The following RAPGEF6 variants were observed in gnomAD, a reference collection of about 807,000 sequenced individuals.
RAPGEF6 encodes the protein Rap guanine nucleotide exchange factor 6, also known as PDZ domain containing guanine nucleotide exchange factor (GEF) 2.
RAPGEF6 carries 56 observed loss-of-function variants against 171.4 expected under a neutral mutation model. That is an observed-to-expected ratio of 0.33 (90% CI 0.26 to 0.41). The LOEUF is 0.41. Ranked by LOEUF, RAPGEF6 falls within the 10% of genes least tolerant of loss-of-function variation. RAPGEF6 has a pLI of 1.00. For synonymous variants in RAPGEF6, 692 were observed against 650.1 expected, an observed-to-expected ratio of 1.06 and a Z score of -0.98; for missense variants, 1,674 against 1,921.4, an observed-to-expected ratio of 0.87 and a Z score of 2.41.
chr5:131,472,478 T>C (rs1754813740), intron 17 of RAPGEF6, 109 bp downstream of exon 17: 1 of 1,261,598 alleles, frequency 7.9e-7, no homozygotes, highest in East Asian at 2.5e-5. Context: ...AGTCATAATC[T>C]AGAGTTAAGA....
Position 131,521,303 on chromosome 5 carries a change from G to C in RAPGEF6, c.627+87C>G, listed in dbSNP as rs185985425. The C allele has an allele frequency of 3.0e-4, 396 of 1,316,904 alleles. 1 individual carries two copies. The highest frequency in any genetic ancestry group is 2.7e-3 in the South Asian group (157 of 57,600). 81.6% of individuals were successfully genotyped at this position (1,316,904 alleles called of 1,614,324 possible). On this transcript the variant is annotated intron_variant, in intron 7 of 27. Coordinates refer to ENST00000509018, the MANE Select transcript of RAPGEF6 (RefSeq NM_016340.6). Reference sequence around the variant, plus strand: ...TACGCTTGAATTTCATACTCTAAAAGATATGTTAACCATCTAAGGCACAAT... The same window carrying C: ...TACGCTTGAATTTCATACTCTAAAACATATGTTAACCATCTAAGGCACAAT...
chr5:131,621,177 G>T (rs1293644906), intron 1 of RAPGEF6, among the ~76,000 whole-genome samples: 1 of 152,142 alleles, frequency 6.6e-6, no homozygotes, highest in African/African-American at 2.4e-5. Context: ...GTATCCACTG[G>T]GTTCATTCCA....
intron 10 of RAPGEF6, 93 bp from the exon 11 acceptor site, chr5:131,504,871 G>A (rs1393545063): frequency 1.7e-6 from 2 of 1,182,386 alleles, no homozygotes; most frequent in African/African-American, 3.2e-5. Context: ...AAGAAATCTA[G>A]CGGCATTAGT....
intron 6 of RAPGEF6, chr5:131,533,169 TACACACACACACACACACACAC>T (rs3992020): frequency 3.7e-5 from 5 of 136,858 alleles, no homozygotes; most frequent in South Asian, 2.4e-4. Context: ...ATTGAAAACA[TACACACACACACACACACACAC>T]ACACACACAC....
At chr5:131,522,263 G>A (rs1758547951) in intron 6 of RAPGEF6, among the ~76,000 whole-genome samples, 1 of 152,048 alleles carries the variant, frequency 6.6e-6, no homozygotes, top group Non-Finnish European at 1.5e-5. Flanking sequence ...TGCCGTAAAA[G>A]AGACATCTCA....
At chr5:131,438,150 G>C (rs1301173650) in intron 24 of RAPGEF6, among the ~76,000 whole-genome samples, 1 of 149,454 alleles carries the variant, frequency 6.7e-6, no homozygotes, top group East Asian at 2.0e-4. Context: ...CACTACCCCT[G>C]GCTAATTTTT....
intron 1 of RAPGEF6, among the ~76,000 whole-genome samples, chr5:131,619,107 A>G (rs1369586624): frequency 1.3e-5 from 2 of 152,172 alleles, no homozygotes; most frequent in East Asian, 3.8e-4. Context: ...AATGTAACGT[A>G]ACATACCTTG....
At chr5:131,438,179 T>C (rs1189655524) in intron 24 of RAPGEF6, among the ~76,000 whole-genome samples, 1 of 152,132 alleles carries the variant, frequency 6.6e-6, no homozygotes, top group African/African-American at 2.4e-5. Flanking sequence ...TTAATAGAGA[T>C]GGGTTTCACC....
At chr5:131,623,145 G>A (rs1190950658) in intron 1 of RAPGEF6, among the ~76,000 whole-genome samples, 4 of 152,162 alleles carry the variant, frequency 2.6e-5, no homozygotes, top group Non-Finnish European at 5.9e-5. Flanking sequence ...TTGCCCAGAC[G>A]TTTTGAATCA....
intron 19 of RAPGEF6, among the ~76,000 whole-genome samples, chr5:131,456,531 A>G (rs187670646): frequency 6.6e-6 from 1 of 152,308 alleles, no homozygotes; most frequent in Admixed American, 6.5e-5. Context: ...CTAAGCCTCC[A>G]GATATTCAAT....
chr5:131,426,077 G>A lies in RAPGEF6; in HGVS notation c.*1189C>T, dbSNP rs1277016091. The A allele has an allele frequency of 2.0e-5, 3 of 152,138 alleles. No homozygotes were observed. The highest frequency in any genetic ancestry group is 2.9e-5 in the Non-Finnish European group (2 of 67,998). 9.4% of individuals were successfully genotyped at this position (152,138 alleles called of 1,614,324 possible). On this transcript the variant is annotated 3_prime_UTR_variant, in exon 28 of 28. Coordinates refer to ENST00000509018, the MANE Select transcript of RAPGEF6 (RefSeq NM_016340.6). ...TTAAGAGTGCCATACCCATGAGGCT[G>A]GAAAAGTATGTCCTCTCAAGGGCTA...
At chr5:131,523,279 CTTTTTTTTTTTTTT>C (rs1171953953) in intron 6 of RAPGEF6, among the ~76,000 whole-genome samples, 1 of 66,648 alleles carries the variant, frequency 1.5e-5, no homozygotes, top group Non-Finnish European at 2.8e-5. Context: ...CTGTTGTATG[CTTTTTTTTTTTTTT>C]TTTTTTTTTT....
At chr5:131,550,041 C>G (rs1454857748) in intron 5 of RAPGEF6, among the ~76,000 whole-genome samples, 1 of 152,112 alleles carries the variant, frequency 6.6e-6, no homozygotes, top group South Asian at 2.1e-4. Flanking sequence ...ATTCTCAGCA[C>G]CCCTGCTTGT....
intron 16 of RAPGEF6, among the ~76,000 whole-genome samples, chr5:131,475,581 T>G (rs1324741821): frequency 6.6e-6 from 1 of 152,218 alleles, no homozygotes; most frequent in African/African-American, 2.4e-5. Flanking sequence ...ACAGAGATGT[T>G]ACTTAGGCAA....
intron 7 of RAPGEF6, among the ~76,000 whole-genome samples, chr5:131,514,844 C>T (rs572008246): frequency 5.3e-5 from 8 of 152,250 alleles, no homozygotes; most frequent in African/African-American, 1.9e-4. Context: ...TCATCCCCAG[C>T]CTTTCAATTA....
intron 5 of RAPGEF6, among the ~76,000 whole-genome samples, chr5:131,556,520 CTG>C (rs1484349757): frequency 7.9e-5 from 12 of 152,304 alleles, no homozygotes; most frequent in African/African-American, 2.6e-4. Context: ...AGTTAAAATA[CTG>C]TGTCTTAAAG....
At chr5:131,460,975 C>G (rs1753887532) in intron 19 of RAPGEF6, among the ~76,000 whole-genome samples, 1 of 152,166 alleles carries the variant, frequency 6.6e-6, no homozygotes, top group Non-Finnish European at 1.5e-5. Flanking sequence ...GAGCTAACTA[C>G]AACTCCTCTC....
At chr5:131,467,238 T>TTG (rs1268517851) in intron 17 of RAPGEF6, among the ~76,000 whole-genome samples, 1 of 152,192 alleles carries the variant, frequency 6.6e-6, no homozygotes, top group African/African-American at 2.4e-5. Context: ...AAGTCATACG[T>TTG]TGTTAAAGTG....
chr5:131,484,179 T>C (rs534578397), intron 15 of RAPGEF6, among the ~76,000 whole-genome samples: 17 of 149,994 alleles, frequency 1.1e-4, no homozygotes, highest in African/African-American at 3.9e-4. Context: ...TATTAAATAA[T>C]GTATATCAAA....
Sources: gnomAD v4.1 joint callset for allele counts (sites outside exome capture counted in the v4.1 genomes callset) on GRCh38, gnomAD v4.1.1 for gene constraint, MANE v1.5 for transcripts, NCBI Gene and HGNC (gene_info 2026-07-23, HGNC 2026-07-21) for gene names.